The following CPNE4 variants were observed in gnomAD, a reference collection of about 807,000 sequenced individuals.
CPNE4 encodes copine-4.
Under a neutral mutation model 67.9 loss-of-function variants are expected in CPNE4, and 25 were observed. That is an observed-to-expected ratio of 0.37 (90% CI 0.27 to 0.51). CPNE4 has a LOEUF of 0.51. CPNE4 is among the 20% of genes least tolerant of loss of function. The pLI is 0.93. For synonymous variants in CPNE4, 242 were observed against 244.9 expected (o/e 0.99, Z 0.11); for missense variants, 464 against 690.8 (o/e 0.67, Z 3.68).
chr3:131,600,785 A>G (rs1380079664), intron 7 of CPNE4, among the ~76,000 whole-genome samples: 1 of 152,202 alleles, frequency 6.6e-6, no homozygotes, highest in South Asian at 2.1e-4. Flanking sequence ...ATTATTTAGT[A>G]GAAGGGGCAT....
intron 1 of CPNE4, among the ~76,000 whole-genome samples, chr3:131,991,212 G>C (rs2073167688): frequency 7.4e-6 from 1 of 136,050 alleles, no homozygotes; most frequent in African/African-American, 2.5e-5. Context: ...AACAGGCAGA[G>C]GTTGGAAGAG....
chr3:131,675,278 T>C (rs1475514599), intron 6 of CPNE4, among the ~76,000 whole-genome samples: 1 of 152,184 alleles, frequency 6.6e-6, no homozygotes, highest in Non-Finnish European at 1.5e-5. Context: ...GAAGAATGCA[T>C]ATTCTGCAGT....
intron 10 of CPNE4, among the ~76,000 whole-genome samples, chr3:131,573,484 G>T (rs1176750959): frequency 6.6e-6 from 1 of 152,066 alleles, no homozygotes; most frequent in Non-Finnish European, 1.5e-5. Flanking sequence ...CCTAATTTTT[G>T]TTGGGGCTGA....
chr3:131,840,136 T>C (rs886810300), intron 2 of CPNE4, among the ~76,000 whole-genome samples: 1 of 152,174 alleles, frequency 6.6e-6, no homozygotes, highest in Non-Finnish European at 1.5e-5. Flanking sequence ...AGAAACATTT[T>C]AATGAAGGAG....
intron 2 of CPNE4, among the ~76,000 whole-genome samples, chr3:131,821,321 G>A (rs753888975): frequency 1.3e-5 from 2 of 152,230 alleles, no homozygotes; most frequent in Non-Finnish European, 2.9e-5. Flanking sequence ...GGAATTTAGA[G>A]AGAATCCACA....
intron 15 of CPNE4, 75 bp from the exon 16 acceptor site, chr3:131,535,404 CT>C (rs1935081058): frequency 2.1e-6 from 3 of 1,429,292 alleles, no homozygotes; most frequent in Non-Finnish European, 2.8e-6. Flanking sequence ...GATTTGAGTC[CT>C]GCTCTGGGCA....
chr3:131,597,391 C>T (rs1198486591), intron 7 of CPNE4, among the ~76,000 whole-genome samples: 2 of 152,076 alleles, frequency 1.3e-5, no homozygotes, highest in Non-Finnish European at 2.9e-5. Flanking sequence ...AGCAAACCAC[C>T]ATAGCATGTG....
Position 131,814,572 on chromosome 3 carries a change from A to ATTTTTTTTTTT in CPNE4, c.180+90681_180+90691dup, listed in dbSNP as rs71136418. ...TGGAAGCATAAAATATTGAAATGCA[A>ATTTTTTTTTTT]TTTTTTTTTTTTTTTTTTTTTTTTT... is the stretch of plus-strand genomic sequence containing the variant. On this transcript the variant is annotated intron_variant, in intron 2 of 15. Coordinates refer to ENST00000429747, the MANE Select transcript of CPNE4 (RefSeq NM_130808.3). 1.3e-4 allele frequency among the ~76,000 whole-genome samples: 9 copies of ATTTTTTTTTTT among 71,134 alleles called. 1 individual carries two copies. Among genetic ancestry groups the ATTTTTTTTTTT allele is most frequent in the East Asian group, 3.9e-4 (1 of 2,572 alleles). 46.7% of individuals were successfully genotyped at this position (71,134 alleles called of 152,430 possible).
chr3:131,878,474 G>A (rs1182069165), intron 2 of CPNE4, among the ~76,000 whole-genome samples: 2 of 152,204 alleles, frequency 1.3e-5, no homozygotes, highest in Non-Finnish European at 1.5e-5. Flanking sequence ...AGAATGAGGG[G>A]CAGTAAACAG....
intron 6 of CPNE4, among the ~76,000 whole-genome samples, chr3:131,682,311 T>C (rs957908872): frequency 2.6e-5 from 4 of 152,108 alleles, no homozygotes; most frequent in South Asian, 2.1e-4. Context: ...GGGATTTGGG[T>C]GTCGTGGTCT....
chr3:131,872,971 T>C (rs2087283152), intron 2 of CPNE4, among the ~76,000 whole-genome samples: 1 of 152,102 alleles, frequency 6.6e-6, no homozygotes, highest in South Asian at 2.1e-4. Flanking sequence ...CCACAGAAAA[T>C]GTGAGCAATA....
At chr3:131,875,687 G>T (rs866813988) in intron 2 of CPNE4, among the ~76,000 whole-genome samples, 3 of 144,678 alleles carry the variant, frequency 2.1e-5, no homozygotes, top group Non-Finnish European at 3.0e-5. Flanking sequence ...GTCCTGGGGT[G>T]GGGGGAGGGG....
intron 4 of CPNE4, among the ~76,000 whole-genome samples, chr3:131,697,235 ATAGT>A (rs1307289139): frequency 3.3e-5 from 5 of 152,318 alleles, no homozygotes; most frequent in Admixed American, 2.6e-4. Flanking sequence ...CCAATACTTA[ATAGT>A]TAGTGACTCT....
intron 1 of CPNE4, among the ~76,000 whole-genome samples, chr3:131,957,841 A>G (rs1276756815): frequency 2.0e-5 from 3 of 152,236 alleles, no homozygotes; most frequent in African/African-American, 4.8e-5. Flanking sequence ...ATAGCTGGAG[A>G]TAATTAAAGT....
At chr3:131,867,799 T>G (rs2087018579) in intron 2 of CPNE4, among the ~76,000 whole-genome samples, 1 of 152,176 alleles carries the variant, frequency 6.6e-6, no homozygotes, top group Non-Finnish European at 1.5e-5. Flanking sequence ...CCGCATTTCC[T>G]CATCTGTAAA....
intron 3 of CPNE4, among the ~76,000 whole-genome samples, chr3:131,711,738 C>T (rs1231685529): frequency 6.6e-6 from 1 of 152,190 alleles, no homozygotes; most frequent in Non-Finnish European, 1.5e-5. Context: ...TTTCCTCCCC[C>T]TCAACTTTAT....
intron 2 of CPNE4, among the ~76,000 whole-genome samples, chr3:131,882,723 ATTTT>A (rs534737633): frequency 7.3e-6 from 1 of 136,160 alleles, no homozygotes. Context: ...GTTCTGCTCT[ATTTT>A]TTTTTTTTTT....
intron 1 of CPNE4, among the ~76,000 whole-genome samples, chr3:132,023,574 G>A (rs2074049415): frequency 1.6e-5 from 2 of 125,968 alleles, no homozygotes; most frequent in Admixed American, 1.0e-4. Context: ...TGCAAGCTCC[G>A]CCTCCCGGGT....
At chr3:131,823,027 G>A (rs768283525) in intron 2 of CPNE4, among the ~76,000 whole-genome samples, 2 of 151,956 alleles carry the variant, frequency 1.3e-5, no homozygotes, top group Non-Finnish European at 2.9e-5. Context: ...TTTTAATAGA[G>A]ACAGGGTTTC....
Sources: gnomAD v4.1 joint callset for allele counts (sites outside exome capture counted in the v4.1 genomes callset) on GRCh38, gnomAD v4.1.1 for gene constraint, MANE v1.5 for transcripts, NCBI Gene and HGNC (gene_info 2026-07-23, HGNC 2026-07-21) for gene names.